NUDT3: variants seen among roughly 807,000 people sequenced by gnomAD.
NUDT3 encodes diphosphoinositol polyphosphate phosphohydrolase 1.
Under a neutral mutation model 23.6 loss-of-function variants are expected in NUDT3, and 9 were observed. The observed-to-expected ratio is 0.38, with a 90% CI of 0.23 to 0.66. The LOEUF (loss-of-function observed/expected upper bound fraction) is 0.66. Ranked by LOEUF, NUDT3 falls within the 30% of genes least tolerant of loss-of-function variation. The pLI is 0.52. For missense variants in NUDT3, 172 were observed against 218.5 expected, an observed-to-expected ratio of 0.79 and a Z score of 1.34; for synonymous variants, 86 against 82.6, an observed-to-expected ratio of 1.04 and a Z score of -0.22.
intron 1 of NUDT3, among the ~76,000 whole-genome samples, chr6:34,389,178 T>A (rs1765155612): frequency 6.6e-6 from 1 of 152,184 alleles, no homozygotes; most frequent in South Asian, 2.1e-4. Flanking sequence ...GAACCTGTAA[T>A]CCCTCCCATG....
At chr6:34,336,901 G>A (rs1401197903) in intron 2 of NUDT3, among the ~76,000 whole-genome samples, 2 of 152,144 alleles carry the variant, frequency 1.3e-5, no homozygotes, top group African/African-American at 4.8e-5. Flanking sequence ...TAAAAAATCA[G>A]ATCTGAAAGC....
chr6:34,389,665 A>G (rs1765163418), intron 1 of NUDT3, among the ~76,000 whole-genome samples: 1 of 151,950 alleles, frequency 6.6e-6, no homozygotes, highest in South Asian at 2.1e-4. Flanking sequence ...CTCAAAATAA[A>G]TAAATAAATA....
chr6:34,353,431 C>T (rs56323997), intron 1 of NUDT3, among the ~76,000 whole-genome samples: 14,348 of 145,124 alleles, frequency 0.099, 793 homozygotes, highest in Non-Finnish European at 0.12. Context: ...CTATACACAA[C>T]TCCCAAGTAT....
At chr6:34,328,355 C>T (rs1764074158) in intron 2 of NUDT3, among the ~76,000 whole-genome samples, 1 of 152,170 alleles carries the variant, frequency 6.6e-6, no homozygotes, top group Non-Finnish European at 1.5e-5. Context: ...TGGGACTTAA[C>T]TACCACTAGT....
rs1426149213 is a variant in NUDT3 at position 34,281,322 on chromosome 6, G to C, written c.*7431C>G. The C allele has an allele frequency of 1.3e-5, 2 of 152,212 alleles. No homozygotes were observed. The highest frequency in any genetic ancestry group is 2.9e-5 in the Non-Finnish European group (2 of 68,044). 9.4% of individuals were successfully genotyped at this position (152,212 alleles called of 1,614,324 possible). ...TGAAATGGAGGCTGGGCTGGCAAAA[G>C]TAAGTATGAAGATGCTACTACTGGC... On this transcript the variant is annotated 3_prime_UTR_variant, in exon 5 of 5. Coordinates refer to ENST00000607016, the MANE Select transcript of NUDT3 (RefSeq NM_006703.4).
chr6:34,284,611 A>G lies in NUDT3; in HGVS notation c.*4142T>C, dbSNP rs1763313573. On this transcript the variant is annotated 3_prime_UTR_variant, in exon 5 of 5. Coordinates refer to ENST00000607016, the MANE Select transcript of NUDT3 (RefSeq NM_006703.4). ...AGAAAGTACTAGATGAAAATGAGAA[A>G]TATGTGAAGGATAACATGTGAAATG... 1.3e-5 allele frequency: 2 copies of G among 151,636 alleles called. No individual in the cohort carries two copies. The highest frequency in any genetic ancestry group is 1.3e-4 in the Admixed American group (2 of 15,200). 9.4% of individuals were successfully genotyped at this position (151,636 alleles called of 1,614,324 possible).
rs939749563 is a variant in NUDT3, at chr6:34,289,043, C to T, written c.341-112G>A. On this transcript the variant is annotated intron_variant, in intron 4 of 4. Coordinates refer to ENST00000607016, the MANE Select transcript of NUDT3 (RefSeq NM_006703.4). ...AGCAATGTTTCTTAACACTTTTTTT[C>T]CTTACAAAAATAACTCAAGCACACT... is the stretch of plus-strand genomic sequence containing the variant. 19 of 1,330,854 alleles carry T rather than the reference C, an allele frequency of 1.4e-5. No homozygotes were observed. In the Admixed American group the frequency reaches 5.0e-4, roughly 35 times the overall value. 82.4% of individuals were successfully genotyped at this position (1,330,854 alleles called of 1,614,324 possible).
chr6:34,324,689 A>G (rs1420752424), intron 2 of NUDT3, among the ~76,000 whole-genome samples: 3 of 152,216 alleles, frequency 2.0e-5, no homozygotes, highest in South Asian at 4.1e-4. Context: ...TATGAATACC[A>G]CTTTTTATAT....
intron 1 of NUDT3, among the ~76,000 whole-genome samples, chr6:34,350,822 T>C (rs2113742626): frequency 6.6e-6 from 1 of 150,810 alleles, no homozygotes; most frequent in South Asian, 2.1e-4. Flanking sequence ...TCAGGCTGCT[T>C]ATTTAATCAA....
intron 2 of NUDT3, among the ~76,000 whole-genome samples, chr6:34,315,134 T>C (rs1470050986): frequency 6.6e-6 from 1 of 152,214 alleles, no homozygotes; most frequent in Non-Finnish European, 1.5e-5. Flanking sequence ...TTAGACTACC[T>C]GAAAAATCCA....
intron 2 of NUDT3, among the ~76,000 whole-genome samples, chr6:34,337,241 A>C (rs748335147): frequency 1.1e-4 from 16 of 152,214 alleles, no homozygotes; most frequent in Admixed American, 5.9e-4. Context: ...TTCTCCTCTG[A>C]CTGCAGAAAA....
At chr6:34,348,775 C>CAA (rs376596504) in intron 1 of NUDT3, among the ~76,000 whole-genome samples, 219 of 145,504 alleles carry the variant, frequency 1.5e-3, no homozygotes, top group African/African-American at 5.2e-3. Flanking sequence ...GACTCCGTCT[C>CAA]AAAAAAAAAA....
At chr6:34,313,442 C>T (rs1265122611) in intron 2 of NUDT3, among the ~76,000 whole-genome samples, 1 of 152,044 alleles carries the variant, frequency 6.6e-6, no homozygotes, top group African/African-American at 2.4e-5. Flanking sequence ...TGTCATTATG[C>T]CTTTCTACAA....
rs539228011 is a variant in NUDT3, at chr6:34,288,713, C to A, written c.*40G>T. On this transcript the variant is annotated 3_prime_UTR_variant, in exon 5 of 5. Transcript: ENST00000607016. ...TGAGAGGGAAGATTTGCACTTCAGT[C>A]TAGTTTCCAATTTCCATTTCTCTTA... is the stretch of plus-strand genomic sequence containing the variant. 2.9e-5 allele frequency: 46 copies of A among 1,584,750 alleles called. 1 individual carries two copies. In the South Asian group the frequency reaches 4.5e-4, roughly 16 times the overall value.
chr6:34,323,503 G>C (rs550142714), intron 2 of NUDT3, among the ~76,000 whole-genome samples: 1 of 152,072 alleles, frequency 6.6e-6, no homozygotes. Flanking sequence ...GGCGGTAGAC[G>C]TGACAGTAAG....
intron 2 of NUDT3, among the ~76,000 whole-genome samples, chr6:34,300,130 G>A (rs978229209): frequency 6.6e-6 from 1 of 152,028 alleles, no homozygotes. Flanking sequence ...TCTGGAAAGG[G>A]CTGGATCCGA....
At chr6:34,290,842 T>A (rs928767888) in intron 4 of NUDT3, among the ~76,000 whole-genome samples, 1 of 151,184 alleles carries the variant, frequency 6.6e-6, no homozygotes, top group East Asian at 1.9e-4. Flanking sequence ...TCACCCAGGC[T>A]GGAGTACAGC....
chr6:34,304,953 T>A (rs1237407927), intron 2 of NUDT3, among the ~76,000 whole-genome samples: 1 of 150,022 alleles, frequency 6.7e-6, no homozygotes, highest in African/African-American at 2.5e-5. Context: ...ATTATAGGCA[T>A]GAGCCACTGT....
At chr6:34,355,231 T>C (rs545284742) in intron 1 of NUDT3, among the ~76,000 whole-genome samples, 18 of 152,320 alleles carry the variant, frequency 1.2e-4, no homozygotes, top group Non-Finnish European at 2.2e-4. Flanking sequence ...ATTATTATTA[T>C]AAATGGACAT....
Sources: allele counts gnomAD v4.1 joint callset (sites outside exome capture counted in the v4.1 genomes callset), GRCh38; gene constraint gnomAD v4.1.1; transcripts MANE v1.5; gene names NCBI Gene and HGNC (gene_info 2026-07-23, HGNC 2026-07-21).